The following MAP2K5 variants were observed in gnomAD, a reference collection of about 807,000 sequenced individuals.
MAP2K5 encodes the protein mitogen-activated protein kinase kinase 5.
Under a neutral mutation model 83.1 loss-of-function variants are expected in MAP2K5, and 49 were observed. That is an observed-to-expected ratio of 0.59 (90% CI 0.47 to 0.75). The LOEUF (loss-of-function observed/expected upper bound fraction) is 0.75, where lower values mean the gene tolerates loss of function less well. Ranked by LOEUF, MAP2K5 falls within the 30% of genes least tolerant of loss-of-function variation. MAP2K5 has a pLI of 0.00. For missense variants in MAP2K5, 457 were observed against 557.5 expected (o/e 0.82, Z 1.82); for synonymous variants, 202 against 191.8 (o/e 1.05, Z -0.44).
chr15:67,664,541 GT>G, intron 12 of MAP2K5, 55 bp from the exon 13 acceptor site: 1 of 1,128,582 alleles, frequency 8.9e-7, no homozygotes, highest in South Asian at 1.3e-5. Flanking sequence ...AATATGGAAA[GT>G]TCCTTTTAAA....
chr15:67,661,337 G>T (rs972723576), intron 12 of MAP2K5, among the ~76,000 whole-genome samples: 2 of 152,070 alleles, frequency 1.3e-5, no homozygotes, highest in Admixed American at 1.3e-4. Context: ...GTGACATTGT[G>T]TACTGTATTT....
intron 19 of MAP2K5, among the ~76,000 whole-genome samples, chr15:67,763,442 C>T (rs2089987435): frequency 6.6e-6 from 1 of 152,156 alleles, no homozygotes. Flanking sequence ...CTTCTGATAA[C>T]ATGTGACTGC....
At position 67,755,494 on chromosome 15, in the gene MAP2K5, C is replaced by T. The variant is rs1473191129; in HGVS notation, c.1134+6893C>T. On this transcript the variant is annotated intron_variant, in intron 19 of 21. Transcript: ENST00000178640. This position sits in a 1 kb window ranked among gnomAD's most constrained non-coding sequence, Gnocchi z 4.7. ...CTCTTCACTGAGCATCCGGCCTGGG[C>T]TGGCATCAAACAGTGCCTCCTTCCA... 2.6e-5 allele frequency among the ~76,000 whole-genome samples: 4 copies of T among 152,212 alleles called. No homozygotes were observed. Among genetic ancestry groups the T allele is most frequent in the Admixed American group, 2.6e-4 (4 of 15,286 alleles).
chr15:67,692,728 G>T (rs2088147345), intron 14 of MAP2K5, among the ~76,000 whole-genome samples, 176 bp downstream of exon 14: 1 of 152,114 alleles, frequency 6.6e-6, no homozygotes, highest in African/African-American at 2.4e-5. Context: ...TCCTTCATCA[G>T]AATATGATTG....
At position 67,555,961 on chromosome 15, in the gene MAP2K5, T is replaced by C. The variant is rs1037797549; in HGVS notation, c.184+5879T>C. 2.0e-5 allele frequency among the ~76,000 whole-genome samples: 3 copies of C among 152,100 alleles called. No homozygotes were observed. Among genetic ancestry groups the C allele is most frequent in the African/African-American group, 7.2e-5 (3 of 41,412 alleles). Reference sequence around the variant, plus strand: ...ACCACACCCGGCTAATTTTTTTGTATTTTTAGTAGATACGGGGTTTCACCA... The same window carrying C: ...ACCACACCCGGCTAATTTTTTTGTACTTTTAGTAGATACGGGGTTTCACCA... On this transcript the variant is annotated intron_variant, in intron 2 of 21. Transcript: ENST00000178640. The surrounding 1 kb of genome is among the most constrained non-coding windows in gnomAD (Gnocchi z 5.2).
At position 67,724,578 on chromosome 15, in the gene MAP2K5, G is replaced by A. The variant is rs926056890; in HGVS notation, c.1045-3338G>A. Among the ~76,000 whole-genome samples, 1 of 152,008 alleles carries A rather than the reference G, an allele frequency of 6.6e-6. No individual in the cohort carries two copies. Among genetic ancestry groups the A allele is most frequent in the African/African-American group, 2.4e-5 (1 of 41,372 alleles). ...CGCCTCTCATTTTTGTAGAGAACTC[G>A]TTCTTCATGCAGCCATATCTACTAA... is the stretch of plus-strand genomic sequence containing the variant. On this transcript the variant is annotated intron_variant, in intron 16 of 21. Transcript: ENST00000178640. This position sits in a 1 kb window ranked among gnomAD's most constrained non-coding sequence, Gnocchi z 4.4.
chr15:67,716,658 T>C (rs2088832674), intron 16 of MAP2K5, among the ~76,000 whole-genome samples: 1 of 152,192 alleles, frequency 6.6e-6, no homozygotes, highest in East Asian at 1.9e-4. Context: ...AGACCACTTC[T>C]CTTAGCAGTG....
At position 67,806,748 on chromosome 15, in the gene MAP2K5, T is replaced by G; in HGVS notation, c.1345T>G (p.Ter449GlyextTer12). ...GAGGCGGAGCCAGCAGGGGCCCCCGTGAGGCTGCCGCAGGGCACTGAAAGC... is the reference window on the plus strand; with the variant it reads ...GAGGCGGAGCCAGCAGGGGCCCCCGGGAGGCTGCCGCAGGGCACTGAAAGC... ...EERRSQQGPP* is the reference protein window; with the variant it reads ...EERRSQQGPPG Residue 449 changes from the stop codon to glycine (G), a stop_lost, in exon 22 of 22, where the codon TGA becomes GGA. Coordinates refer to ENST00000178640, the MANE Select transcript of MAP2K5 (RefSeq NM_145160.3). 6.4e-7 allele frequency: 1 copy of G among 1,557,142 alleles called. No individual in the cohort carries two copies. Among genetic ancestry groups the G allele is most frequent in the Non-Finnish European group, 8.7e-7 (1 of 1,153,262 alleles).
At chr15:67,685,065 C>A (rs956918863) in intron 13 of MAP2K5, among the ~76,000 whole-genome samples, 39 of 152,070 alleles carry the variant, frequency 2.6e-4, no homozygotes, top group Non-Finnish European at 5.9e-5. Flanking sequence ...GAAAACTTTC[C>A]AAATTTGGTG....
In MAP2K5 at chr15:67,769,078, C is replaced by A. The variant is rs1393982690; in HGVS notation, c.1135-524C>A. Among the ~76,000 whole-genome samples the A allele has an allele frequency of 6.8e-6, 1 of 146,618 alleles. No homozygotes were observed. The highest frequency in any genetic ancestry group is 2.5e-5 in the African/African-American group (1 of 39,414). ...GCTGAAATTCCTTTTCAGGAAACAA[C>A]TTCCCCTATAAAAGCCTTTCTATTA... On this transcript the variant is annotated intron_variant, in intron 19 of 21. Transcript: ENST00000178640. This position sits in a 1 kb window ranked among gnomAD's most constrained non-coding sequence, Gnocchi z 5.2.
At chr15:67,711,499 G>C (rs537780222) in intron 16 of MAP2K5, among the ~76,000 whole-genome samples, 4 of 152,234 alleles carry the variant, frequency 2.6e-5, no homozygotes, top group African/African-American at 9.6e-5. Context: ...GTTCACAAGG[G>C]AAAAAAGCCA....
chr15:67,727,764 G>A, intron 16 of MAP2K5, 152 bp from the exon 17 acceptor site: 2 of 719,362 alleles, frequency 2.8e-6, no homozygotes, highest in East Asian at 5.0e-5. Context: ...AGCTCTTAAT[G>A]TAATTACAGC....
intron 9 of MAP2K5, among the ~76,000 whole-genome samples, chr15:67,631,377 C>T (rs1042377619): frequency 6.6e-6 from 1 of 152,158 alleles, no homozygotes; most frequent in African/African-American, 2.4e-5. Flanking sequence ...CTCACATTAC[C>T]TCCTACCTGG....
chr15:67,652,611 G>A lies in MAP2K5; in HGVS notation c.737-5942G>A, dbSNP rs996477076. On this transcript the variant is annotated intron_variant, in intron 11 of 21. Transcript: ENST00000178640. This position sits in a 1 kb window ranked among gnomAD's most constrained non-coding sequence, Gnocchi z 4.2. ...CGAGGCCCCATCTTCAACATTGGGA[G>A]TGAGATTTCAACATGAGTTTTGAAG... Among the ~76,000 whole-genome samples, 11 of 152,208 alleles carry A rather than the reference G, an allele frequency of 7.2e-5. No individual in the cohort carries two copies. The highest frequency in any genetic ancestry group is 1.3e-4 in the Non-Finnish European group (9 of 68,042).
Position 67,747,213 on chromosome 15 carries a change from T to A in MAP2K5, c.1075-1018T>A, listed in dbSNP as rs1349649345. 6.6e-6 allele frequency among the ~76,000 whole-genome samples: 1 copy of A among 152,152 alleles called. No homozygotes were observed. The highest frequency in any genetic ancestry group is 1.5e-5 in the Non-Finnish European group (1 of 68,014). Reference sequence around the variant, plus strand: ...ACTCAGGGTGGTTGTACAGATCAAATGAGTTTGTATATGGGAAAGAATTTT... The same window carrying A: ...ACTCAGGGTGGTTGTACAGATCAAAAGAGTTTGTATATGGGAAAGAATTTT... On this transcript the variant is annotated intron_variant, in intron 17 of 21. Transcript: ENST00000178640. This position sits in a 1 kb window ranked among gnomAD's most constrained non-coding sequence, Gnocchi z 4.1.
At chr15:67,730,941 T>C (rs1056653671) in intron 17 of MAP2K5, among the ~76,000 whole-genome samples, 2 of 152,170 alleles carry the variant, frequency 1.3e-5, no homozygotes, top group African/African-American at 4.8e-5. Flanking sequence ...AGTTTCCTCA[T>C]CTCTAAAATG....
chr15:67,646,316 T>A lies in MAP2K5; in HGVS notation c.654+17T>A. 6.9e-7 allele frequency: 1 copy of A among 1,441,748 alleles called. No homozygotes were observed. Among genetic ancestry groups the A allele is most frequent in the Non-Finnish European group, 9.7e-7 (1 of 1,035,116 alleles). The allele number at this position is 1,441,748 out of a possible 1,614,324, so 89.3% of individuals were successfully genotyped here. On this transcript the variant is annotated intron_variant, in intron 10 of 21. Coordinates refer to ENST00000178640, the MANE Select transcript of MAP2K5 (RefSeq NM_145160.3). The stretch of plus-strand genomic sequence containing the variant: ...CTTTATAAGGTAATTTTTTCATAAT[T>A]TTTATTTGTAAAGCATGCCTATGGT...
chr15:67,753,495 A>T (rs893435741), intron 19 of MAP2K5, among the ~76,000 whole-genome samples: 4 of 152,184 alleles, frequency 2.6e-5, no homozygotes, highest in Non-Finnish European at 5.9e-5. Flanking sequence ...TCAATGATAA[A>T]TAAAAAGACA....
intron 3 of MAP2K5, among the ~76,000 whole-genome samples, chr15:67,580,525 A>G (rs1398153014): frequency 7.1e-6 from 1 of 141,414 alleles, no homozygotes; most frequent in Non-Finnish European, 1.6e-5. Flanking sequence ...AGTCTTAATC[A>G]ACACTTTTAC....
Sources: gnomAD v4.1 joint callset for allele counts (sites outside exome capture counted in the v4.1 genomes callset) on GRCh38, gnomAD v4.1.1 for gene constraint, Gnocchi (gnomAD v3.1) non-coding constraint, MANE v1.5 for transcripts, NCBI Gene and HGNC (gene_info 2026-07-23, HGNC 2026-07-21) for gene names.